The following LAMA3 variants were observed in gnomAD, a reference collection of about 807,000 sequenced individuals.
LAMA3 encodes laminin subunit alpha 3.
In LAMA3, 281 loss-of-function variants were observed where a neutral mutation model predicts 402.0. That is an observed-to-expected ratio of 0.70 (90% confidence interval 0.63 to 0.77). LAMA3 has a LOEUF of 0.77. Ranked by LOEUF, LAMA3 falls within the 30% of genes least tolerant of loss-of-function variation. The pLI is 0.00. For missense variants in LAMA3, 3,840 were observed against 4,215.5 expected, an observed-to-expected ratio of 0.91 and a Z score of 2.47; for synonymous variants, 1,431 against 1,558.4, an observed-to-expected ratio of 0.92 and a Z score of 1.93.
intron 2 of LAMA3, among the ~76,000 whole-genome samples, chr18:23,742,281 G>C (rs1203734975): frequency 6.6e-6 from 1 of 152,208 alleles, no homozygotes; most frequent in African/African-American, 2.4e-5. Context: ...CAAAATGTCA[G>C]TGTCAGGAAG....
In LAMA3 at chr18:23,933,907, AC is replaced by A. The variant is rs1263421926; in HGVS notation, c.8835del (p.Asn2945LysfsTer23). ...LMLLKGSTRF[N>X]KTKTFRINQL... ...TTGCTTAAAGGTTCTACCAGGTTTA[AC>A]AAGACCAAGACTTTTCGTATCAACC... is the stretch of plus-strand genomic sequence containing the variant. On this transcript the variant is annotated frameshift_variant, in exon 67 of 75. Coordinates refer to ENST00000313654, the MANE Select transcript of LAMA3 (RefSeq NM_198129.4). LOFTEE classifies it high-confidence loss of function. The A allele has an allele frequency of 1.2e-6, 2 of 1,614,156 alleles. No homozygotes were observed. Among genetic ancestry groups the A allele is most frequent in the South Asian group, 2.2e-5 (2 of 91,082 alleles).
chr18:23,745,435 G>A (rs1183357721), intron 2 of LAMA3, among the ~76,000 whole-genome samples: 1 of 152,140 alleles, frequency 6.6e-6, no homozygotes, highest in Admixed American at 6.5e-5. Context: ...CCCACCCCTG[G>A]GCTCTCTAGA....
chr18:23,873,113 G>A lies in LAMA3; in HGVS notation c.4998+1452G>A, dbSNP rs753681238. 7 of 1,614,052 alleles carry A rather than the reference G, an allele frequency of 4.3e-6. No homozygotes were observed. The African/African-American group carries it at 9.3e-5, about 22-fold the overall frequency. ...TGTGGATCTTTGGGGCAGCCCTGGG[G>A]CAGTGTCTGGGCTACAGTTCACAGC... On this transcript the variant is annotated intron_variant, in intron 38 of 74. Transcript: ENST00000313654.
chr18:23,816,784 C>G (rs2063184202), intron 18 of LAMA3, among the ~76,000 whole-genome samples: 1 of 152,178 alleles, frequency 6.6e-6, no homozygotes, highest in Non-Finnish European at 1.5e-5. Context: ...AGTGGGTTCT[C>G]AGGGCTCAAC....
At chr18:23,762,488 C>T (rs2061988656) in intron 7 of LAMA3, among the ~76,000 whole-genome samples, 1 of 151,438 alleles carries the variant, frequency 6.6e-6, no homozygotes, top group Non-Finnish European at 1.5e-5. Flanking sequence ...ACTTGGGAGG[C>T]TGAGGTGGGA....
chr18:23,873,385 T>C (rs1335520895), intron 38 of LAMA3, among the ~76,000 whole-genome samples: 1 of 152,162 alleles, frequency 6.6e-6, no homozygotes, highest in Non-Finnish European at 1.5e-5. Flanking sequence ...CAGATTGCTC[T>C]CCCGAGCTAT....
Position 23,946,092 on chromosome 18 carries a change from C to T in LAMA3, c.9211-52C>T, listed in dbSNP as rs370359228. On this transcript the variant is annotated intron_variant, in intron 69 of 74. Coordinates refer to ENST00000313654, the MANE Select transcript of LAMA3 (RefSeq NM_198129.4). ...GCCACTAATATTTAATAAAATACAACACCAATTGTCAAAGGTAAAAATACA... is the reference window on the plus strand; with the variant it reads ...GCCACTAATATTTAATAAAATACAATACCAATTGTCAAAGGTAAAAATACA... 11 of 1,551,920 alleles carry T rather than the reference C, an allele frequency of 7.1e-6. No individual in the cohort carries two copies. The African/African-American group carries it at 1.1e-4, about 15-fold the overall frequency.
Position 23,918,815 on chromosome 18 carries a change from C to T in LAMA3, c.7923+2120C>T, listed in dbSNP as rs2081732688. Among the ~76,000 whole-genome samples, 1 of 152,134 alleles carries T rather than the reference C, an allele frequency of 6.6e-6. No individual in the cohort carries two copies. Among genetic ancestry groups the T allele is most frequent in the African/African-American group, 2.4e-5 (1 of 41,426 alleles). On this transcript the variant is annotated intron_variant, in intron 60 of 74. Coordinates refer to ENST00000313654, the MANE Select transcript of LAMA3 (RefSeq NM_198129.4). This position sits in a 1 kb window ranked among gnomAD's most constrained non-coding sequence, Gnocchi z 4.1. ...GATTGATAAGGAGCTTGGGATTTTA[C>T]CAGAGTCTTCTACCGCAGGGTGGTG... is the stretch of plus-strand genomic sequence containing the variant.
At chr18:23,853,116 G>A (rs1229029780) in intron 32 of LAMA3, among the ~76,000 whole-genome samples, 1 of 152,020 alleles carries the variant, frequency 6.6e-6, no homozygotes, top group Non-Finnish European at 1.5e-5. Flanking sequence ...ATTCTACTTT[G>A]TCCCCTCCCT....
At chr18:23,866,251 A>G (rs2064354162) in intron 36 of LAMA3, among the ~76,000 whole-genome samples, 1 of 152,340 alleles carries the variant, frequency 6.6e-6, no homozygotes, top group African/African-American at 2.4e-5. Flanking sequence ...AACATAGGGT[A>G]GGGTGCCACT....
At chr18:23,765,656 T>C (rs1241498678) in intron 8 of LAMA3, among the ~76,000 whole-genome samples, 1 of 152,164 alleles carries the variant, frequency 6.6e-6, no homozygotes, top group African/African-American at 2.4e-5. Flanking sequence ...ATGTTGAAAT[T>C]AGCAGTTAAG....
intron 24 of LAMA3, chr18:23,834,258 T>C: frequency 2.3e-6 from 1 of 438,390 alleles, no homozygotes; most frequent in Non-Finnish European, 4.3e-6. Context: ...CAGCACAACC[T>C]TTTTATTTGA....
chr18:23,775,439 G>A (rs2062293461), intron 9 of LAMA3, among the ~76,000 whole-genome samples: 1 of 152,166 alleles, frequency 6.6e-6, no homozygotes, highest in Non-Finnish European at 1.5e-5. Flanking sequence ...TAGCTAGAAA[G>A]GGCTGTGCCC....
chr18:23,840,072 A>C, intron 27 of LAMA3, 143 bp downstream of exon 27: 1 of 889,336 alleles, frequency 1.1e-6, no homozygotes, highest in East Asian at 2.6e-5. Flanking sequence ...GGGTGGGCCC[A>C]GGAATCTGTG....
At chr18:23,792,397 C>T (rs1029302396) in intron 12 of LAMA3, among the ~76,000 whole-genome samples, 46 of 152,082 alleles carry the variant, frequency 3.0e-4, no homozygotes, top group Non-Finnish European at 5.0e-4. Flanking sequence ...AGAGATCACA[C>T]GATGAGACAG....
At chr18:23,949,242 G>A (rs1415897436) in intron 70 of LAMA3, among the ~76,000 whole-genome samples, 1 of 152,172 alleles carries the variant, frequency 6.6e-6, no homozygotes, top group Admixed American at 6.5e-5. Flanking sequence ...AACAATGTAG[G>A]CAGATTTTTT....
At chr18:23,871,724 G>C (rs1454813862) in intron 38 of LAMA3, 63 bp downstream of exon 38, 6 of 1,322,436 alleles carry the variant, frequency 4.5e-6, no homozygotes, top group Non-Finnish European at 6.4e-6. Context: ...TTTGGCTGCT[G>C]TCCAGCACTG....
chr18:23,792,676 AG>A (rs1411820846), intron 12 of LAMA3, among the ~76,000 whole-genome samples: 1 of 152,140 alleles, frequency 6.6e-6, no homozygotes, highest in East Asian at 1.9e-4. Flanking sequence ...GGAAACCCAA[AG>A]GCTAAGAGCT....
At chr18:23,862,802 G>A (rs1291636228) in intron 35 of LAMA3, among the ~76,000 whole-genome samples, 2 of 143,954 alleles carry the variant, frequency 1.4e-5, no homozygotes, top group Non-Finnish European at 2.9e-5. Flanking sequence ...GTCAACCAGG[G>A]CTGTAGTCCC....
Sources: gnomAD v4.1 joint callset for allele counts (sites outside exome capture counted in the v4.1 genomes callset) on GRCh38, gnomAD v4.1.1 for gene constraint, Gnocchi (gnomAD v3.1) non-coding constraint, MANE v1.5 for transcripts, NCBI Gene and HGNC (gene_info 2026-07-23, HGNC 2026-07-21) for gene names.